DYNC1H1: variants seen among roughly 807,000 people sequenced by gnomAD.
DYNC1H1 encodes the protein dynein cytoplasmic 1 heavy chain 1.
DYNC1H1 carries 51 observed loss-of-function variants against 527.1 expected under a neutral mutation model. The observed-to-expected ratio is 0.10, with a 90% CI of 0.08 to 0.12. The LOEUF is 0.12. Ranked by LOEUF, DYNC1H1 falls within the 10% of genes least tolerant of loss-of-function variation. The pLI is 1.00. For missense variants in DYNC1H1, 2,771 were observed against 5,971.8 expected (o/e 0.46, Z 17.66); for synonymous variants, 2,189 against 2,278.8 (o/e 0.96, Z 1.12).
In DYNC1H1 at chr14:101,983,834, C is replaced by T. The variant is rs989400212; in HGVS notation, c.1461+225C>T. ...CTGGGATTACAGGTGCCTGCCACCA[C>T]GCCCGGCTAATTGTTTATATTTTGA... On this transcript the variant is annotated intron_variant, in intron 7 of 77. Transcript: ENST00000360184. This position sits in a 1 kb window ranked among gnomAD's most constrained non-coding sequence, Gnocchi z 5.3. Among the ~76,000 whole-genome samples the T allele has an allele frequency of 8.6e-5, 13 of 151,962 alleles. No individual in the cohort carries two copies. Among genetic ancestry groups the T allele is most frequent in the Admixed American group, 7.2e-4 (11 of 15,236 alleles).
At chr14:101,988,171 T>A (rs1567000013) in intron 9 of DYNC1H1, among the ~76,000 whole-genome samples, 1 of 152,216 alleles carries the variant, frequency 6.6e-6, no homozygotes, top group Non-Finnish European at 1.5e-5. Flanking sequence ...AAGTGTTGCC[T>A]TTATTTGCTG....
At chr14:102,004,045 TC>T (rs2048165834) in intron 23 of DYNC1H1, among the ~76,000 whole-genome samples, 1 of 151,454 alleles carries the variant, frequency 6.6e-6, no homozygotes, top group African/African-American at 2.4e-5. Flanking sequence ...ATCGAGACCA[TC>T]CTGGCTAACA....
At chr14:102,046,922 C>T (rs763807825) in intron 72 of DYNC1H1, among the ~76,000 whole-genome samples, 25 of 152,152 alleles carry the variant, frequency 1.6e-4, no homozygotes, top group Middle Eastern at 3.4e-3. Context: ...CCTCAGCCTT[C>T]CAAGTAGCTG....
chr14:102,048,825 GAGGGGA>G, intron 74 of DYNC1H1, 156 bp downstream of exon 74: 2 of 327,976 alleles, frequency 6.1e-6, no homozygotes, highest in Non-Finnish European at 6.0e-6. Context: ...TGGGCGGGGG[GAGGGGA>G]GGAGCTTAGA....
intron 72 of DYNC1H1, 100 bp from the exon 73 acceptor site, chr14:102,047,717 C>A (rs2048745628): frequency 6.9e-7 from 1 of 1,442,884 alleles, no homozygotes; most frequent in East Asian, 2.3e-5. Flanking sequence ...AGTGTGGACT[C>A]ACTCACCATG....
Position 102,042,474 on chromosome 14 carries a change from C to G in DYNC1H1, c.12366C>G (p.Phe4122Leu). 1 of 1,614,146 alleles carries G rather than the reference C, an allele frequency of 6.2e-7. No homozygotes were observed. The highest frequency in any genetic ancestry group is 8.5e-7 in the Non-Finnish European group (1 of 1,180,038). ...KLHSLQPHAC[F>L]RLFLTMEINP... Reference sequence around the variant, plus strand: ...ATTCCCTGCAGCCGCATGCCTGCTTCCGACTCTTCCTCACCATGGAGATCA... The same window carrying G: ...ATTCCCTGCAGCCGCATGCCTGCTTGCGACTCTTCCTCACCATGGAGATCA... Residue 4122 changes from phenylalanine (F) to leucine (L), a missense_variant, in exon 68 of 78, where the codon TTC becomes TTG. Coordinates refer to ENST00000360184, the MANE Select transcript of DYNC1H1 (RefSeq NM_001376.5). This position sits in a 1 kb window ranked among gnomAD's most constrained non-coding sequence, Gnocchi z 5.7.
intron 48 of DYNC1H1, chr14:102,028,706 C>T (rs1191034923): frequency 5.5e-6 from 1 of 180,868 alleles, no homozygotes; most frequent in Non-Finnish European, 1.2e-5. Flanking sequence ...TCTCCTTTGC[C>T]TTTGTCTCCC....
chr14:102,041,179 G>A lies in DYNC1H1; in HGVS notation c.11942-395G>A, dbSNP rs907666548. 1 of 356,160 alleles carries A rather than the reference G, an allele frequency of 2.8e-6. No individual in the cohort carries two copies. The highest frequency in any genetic ancestry group is 5.4e-6 in the Non-Finnish European group (1 of 186,448). The allele number at this position is 356,160 out of a possible 1,614,324, so 22.1% of individuals were successfully genotyped here. A position where few individuals can be genotyped will look rare whatever the true frequency, so the allele number is the denominator to read the frequency against. On this transcript the variant is annotated intron_variant, in intron 64 of 77. Coordinates refer to ENST00000360184, the MANE Select transcript of DYNC1H1 (RefSeq NM_001376.5). This position sits in a 1 kb window ranked among gnomAD's most constrained non-coding sequence, Gnocchi z 4.5. ...CTGTATTCATGCTGCAGACAGGAAT[G>A]GAATGCCATCAGCCGTTTTTGAGTG...
rs563812905 is a variant in DYNC1H1 at position 101,988,684 on chromosome 14, G to C, written c.2719-19G>C. 3.7e-6 allele frequency: 6 copies of C among 1,614,078 alleles called. No homozygotes were observed. The African/African-American group carries it at 4.0e-5, about 11-fold the overall frequency. On this transcript the variant is annotated intron_variant, in intron 9 of 77. Transcript: ENST00000360184. ...ACTTTTAGAAGAAACACTGTTCTCT[G>C]ATATAACGTTGTCTGTAGATTGAAA...
Position 102,006,137 on chromosome 14 carries a change from G to T in DYNC1H1, c.5683G>T (p.Ala1895Ser). 6.2e-7 allele frequency: 1 copy of T among 1,614,162 alleles called. No homozygotes were observed. Among genetic ancestry groups the T allele is most frequent in the Non-Finnish European group, 8.5e-7 (1 of 1,180,038 alleles). ...CCGCTGCTATTTGACAATGACACAAGCCTTGGAGGCCAGGCTGGGGGGTTC... is the reference window on the plus strand; with the variant it reads ...CCGCTGCTATTTGACAATGACACAATCCTTGGAGGCCAGGCTGGGGGGTTC... ...TDRCYLTMTQALEARLGGSPF... is the reference protein window; with the variant it reads ...TDRCYLTMTQSLEARLGGSPF... The change falls in exon 27 of 78, where the codon GCC (alanine) becomes TCC (serine). Residue 1895 changes from alanine to serine, a missense_variant. Ala to Ser is a moderately conservative substitution (Grantham distance 99, BLOSUM62 1). Around this residue, in one of 32 missense-constraint regions of DYNC1H1, gnomAD observed 64 missense variants for 143.4 expected, o/e 0.45. Coordinates refer to ENST00000360184, the MANE Select transcript of DYNC1H1 (RefSeq NM_001376.5).
chr14:101,988,163 G>A (rs1473022026), intron 9 of DYNC1H1, among the ~76,000 whole-genome samples: 1 of 152,190 alleles, frequency 6.6e-6, no homozygotes, highest in African/African-American at 2.4e-5. Flanking sequence ...GGAGGAGAAA[G>A]TGTTGCCTTT....
Position 102,049,699 on chromosome 14 carries a change from T to C in DYNC1H1, c.13516-15T>C. Reference sequence around the variant, plus strand: ...GACCTGAGCTCCTTCCCCTGGGGGCTGCTGCTTTCCACAGAACATCCACGT... The same window carrying C: ...GACCTGAGCTCCTTCCCCTGGGGGCCGCTGCTTTCCACAGAACATCCACGT... On this transcript the variant is annotated splice_polypyrimidine_tract_variant and intron_variant, in intron 75 of 77. Transcript: ENST00000360184. The surrounding 1 kb of genome is among the most constrained non-coding windows in gnomAD (Gnocchi z 5.5). The C allele has an allele frequency of 6.2e-7, 1 of 1,613,920 alleles. No homozygotes were observed. Among genetic ancestry groups the C allele is most frequent in the Non-Finnish European group, 8.5e-7 (1 of 1,180,034 alleles).
chr14:102,022,978 T>C lies in DYNC1H1; in HGVS notation c.8637+98T>C, dbSNP rs1232252548. On this transcript the variant is annotated intron_variant, in intron 43 of 77. Transcript: ENST00000360184. ...AATTATCTTCTACTCAAAAATATCT[T>C]TAGGCTGGGTATGGTGTCTCACACC... 5.1e-6 allele frequency: 8 copies of C among 1,570,596 alleles called. No individual in the cohort carries two copies. The South Asian group carries it at 8.0e-5, about 16-fold the overall frequency.
chr14:101,979,412 C>T lies in DYNC1H1; in HGVS notation c.438C>T (p.Tyr146=), dbSNP rs764884119. 1.2e-5 allele frequency: 19 copies of T among 1,614,062 alleles called. No homozygotes were observed. The highest frequency in any genetic ancestry group is 6.6e-5 in the South Asian group (6 of 91,084). Reference sequence around the variant, plus strand: ...TTACACTCAGTGAAGACTCGCCCTACGAAACTTTGCATTCTTTCATTAGCA... The same window carrying T: ...TTACACTCAGTGAAGACTCGCCCTATGAAACTTTGCATTCTTTCATTAGCA... ...RVLTLSEDSP[Y]ETLHSFISNA... The change falls in exon 3 of 78, where the codon TAC becomes TAT. Residue 146 remains tyrosine (Y), a synonymous_variant. Coordinates refer to ENST00000360184, the MANE Select transcript of DYNC1H1 (RefSeq NM_001376.5). The surrounding 1 kb of genome is among the most constrained non-coding windows in gnomAD (Gnocchi z 4.6).
At position 102,039,792 on chromosome 14, in the gene DYNC1H1, T is replaced by C. The variant is rs2048623006; in HGVS notation, c.11690+60T>C. The C allele has an allele frequency of 6.5e-7, 1 of 1,530,704 alleles. No homozygotes were observed. The highest frequency in any genetic ancestry group is 9.1e-7 in the Non-Finnish European group (1 of 1,104,692). The allele number at this position is 1,530,704 out of a possible 1,614,324, so 94.8% of individuals were successfully genotyped here. A position where few individuals can be genotyped will look rare whatever the true frequency, so the allele number is the denominator to read the frequency against. On this transcript the variant is annotated intron_variant, in intron 62 of 77. Coordinates refer to ENST00000360184, the MANE Select transcript of DYNC1H1 (RefSeq NM_001376.5). This position sits in a 1 kb window ranked among gnomAD's most constrained non-coding sequence, Gnocchi z 7.0. ...TTGCTGGTGGCCCCCAAGGGTTTCA[T>C]GATCAGATACATGCTTTTATTATTT...
At position 101,964,886 on chromosome 14, in the gene DYNC1H1, G is replaced by T. The variant is rs577413889; in HGVS notation, c.195G>T (p.Met65Ile). 1 of 1,600,410 alleles carries T rather than the reference G, an allele frequency of 6.2e-7. No homozygotes were observed. The highest frequency in any genetic ancestry group is 8.5e-7 in the Non-Finnish European group (1 of 1,174,586). ...AGGAGAAGAGCGCCCTGGAGCAGAT[G>T]CGCAAGTTCCTTTCGGACCCGCAGG... ...ALEEKSALEQ[M>I]RKFLSDPQVH... The change falls in exon 1 of 78, where the codon ATG (methionine) becomes ATT (isoleucine). Residue 65 changes from methionine (M) to isoleucine (I), a missense_variant. Transcript: ENST00000360184. The surrounding 1 kb of genome is among the most constrained non-coding windows in gnomAD (Gnocchi z 5.5).
chr14:102,006,844 C>T (rs1406103267), intron 27 of DYNC1H1, among the ~76,000 whole-genome samples, 164 bp from the exon 28 acceptor site: 3 of 152,178 alleles, frequency 2.0e-5, no homozygotes, highest in Non-Finnish European at 4.4e-5. Flanking sequence ...AGGTGATCTG[C>T]CTGCCTCGGC....
chr14:102,020,756 C>T lies in DYNC1H1; in HGVS notation c.8507+700C>T, dbSNP rs980225010. Among the ~76,000 whole-genome samples, 5 of 152,202 alleles carry T rather than the reference C, an allele frequency of 3.3e-5. No homozygotes were observed. The highest frequency in any genetic ancestry group is 9.7e-5 in the African/African-American group (4 of 41,444). ...CAGTAAGATGACTTGGCAGATGGTT[C>T]CCTCCAGACTAAGAAATGCTTAAGT... On this transcript the variant is annotated intron_variant, in intron 42 of 77. Transcript: ENST00000360184. The surrounding 1 kb of genome is among the most constrained non-coding windows in gnomAD (Gnocchi z 4.3).
chr14:101,977,335 C>T (rs921798991), intron 2 of DYNC1H1, among the ~76,000 whole-genome samples: 21 of 152,060 alleles, frequency 1.4e-4, no homozygotes, highest in Non-Finnish European at 3.1e-4. Context: ...TCTCAGGTTA[C>T]GGAAGAGTTG....
Sources: gnomAD v4.1 joint callset for allele counts (sites outside exome capture counted in the v4.1 genomes callset) on GRCh38, gnomAD v4.1.1 for gene constraint, gnomAD v4.1.1 regional missense constraint, Gnocchi (gnomAD v3.1) non-coding constraint, MANE v1.5 for transcripts, NCBI Gene and HGNC (gene_info 2026-07-23, HGNC 2026-07-21) for gene names.